The following TMEM229B variants were observed in gnomAD, a reference collection of about 807,000 sequenced individuals.
TMEM229B encodes chromosome 14 open reading frame 83.
In TMEM229B, 6 loss-of-function variants were observed where a neutral mutation model predicts 13.7. That is an observed-to-expected ratio of 0.44 (90% CI 0.24 to 0.86). TMEM229B has a LOEUF of 0.86. Ranked by LOEUF, TMEM229B falls within the 40% of genes least tolerant of loss-of-function variation. The pLI is 0.23. For missense variants in TMEM229B, 170 were observed against 236.0 expected (o/e 0.72, Z 1.83); for synonymous variants, 107 against 102.1 (o/e 1.05, Z -0.29).
chr14:67,526,857 T>A (rs74526135), intron 1 of TMEM229B, among the ~76,000 whole-genome samples: 204 of 152,150 alleles, frequency 1.3e-3, no homozygotes, highest in African/African-American at 4.7e-3. Flanking sequence ...ACTCACCCCC[T>A]TTTACAAAGA....
chr14:67,484,651 TG>T (rs1170991797), intron 2 of TMEM229B, among the ~76,000 whole-genome samples: 1 of 152,094 alleles, frequency 6.6e-6, no homozygotes, highest in Non-Finnish European at 1.5e-5. Context: ...AGGCCGGGCA[TG>T]GGGGCTCACA....
upstream of TMEM229B, among the ~76,000 whole-genome samples, chr14:67,489,858 T>C (rs951250362): frequency 3.9e-5 from 6 of 152,024 alleles, no homozygotes; most frequent in Non-Finnish European, 5.9e-5. Context: ...GGTGTGATGG[T>C]GGGCACCTGT....
chr14:67,517,093 C>T (rs932796534), upstream of TMEM229B, among the ~76,000 whole-genome samples: 1 of 152,186 alleles, frequency 6.6e-6, no homozygotes, highest in Non-Finnish European at 1.5e-5. Context: ...TACAGGCAGG[C>T]ATGTGGGCTG....
rs566128811 is a variant in TMEM229B at position 67,511,926 on chromosome 14, G to A, written c.-192+3160C>T. On this transcript the variant is annotated intron_variant, in intron 1 of 2. Transcript: ENST00000357461. ...CTTAGCCTCAGTTCTATCTGTGGAT[G>A]TGTGTGTCGGGGTGAAAACCACTGC... 1.1e-4 allele frequency among the ~76,000 whole-genome samples: 17 copies of A among 152,356 alleles called. No individual in the cohort carries two copies. The East Asian group carries it at 2.7e-3, about 24-fold the overall frequency.
intron 1 of TMEM229B, among the ~76,000 whole-genome samples, chr14:67,487,904 G>A (rs751187229): frequency 2.0e-5 from 3 of 152,118 alleles, no homozygotes; most frequent in South Asian, 2.1e-4. Context: ...GATTATAGGC[G>A]TGAGCCACTG....
intron 1 of TMEM229B, among the ~76,000 whole-genome samples, chr14:67,514,355 T>C (rs1380119370): frequency 2.0e-5 from 3 of 152,232 alleles, no homozygotes; most frequent in Non-Finnish European, 4.4e-5. Context: ...AATGTCTCCC[T>C]GCCCTTGCCA....
intron 1 of TMEM229B, among the ~76,000 whole-genome samples, chr14:67,530,970 C>A (rs991708538): frequency 9.2e-5 from 14 of 152,222 alleles, no homozygotes; most frequent in Non-Finnish European, 1.5e-4. Flanking sequence ...TTGGCTCAGA[C>A]CAGTTGACAA....
At position 67,505,943 on chromosome 14, in the gene TMEM229B, G is replaced by A. The variant is rs117797416; in HGVS notation, c.-192+9143C>T. 1.4e-3 allele frequency among the ~76,000 whole-genome samples: 215 copies of A among 152,156 alleles called. 1 individual carries two copies. Among genetic ancestry groups the A allele is most frequent in the Non-Finnish European group, 2.5e-3 (173 of 68,002 alleles). On this transcript the variant is annotated intron_variant, in intron 1 of 2. Coordinates refer to the TMEM229B transcript ENST00000357461. ...CTCGAACTCCTGACCTTGGGTATCC[G>A]TCCATCTCAGCCTCCCAAAGTGTTG...
rs1247763928 is a variant in TMEM229B, at chr14:67,473,192, T to C, written c.*228A>G. The C allele has an allele frequency of 8.5e-6, 5 of 589,506 alleles. No homozygotes were observed. The East Asian group carries it at 1.2e-4, about 14-fold the overall frequency. 36.5% of individuals were successfully genotyped at this position (589,506 alleles called of 1,614,324 possible). A position where few individuals can be genotyped will look rare whatever the true frequency, so the allele number is the denominator to read the frequency against. ...AACCCCTGAACTGGGCCGCGATCCA[T>C]GGACCCTTCCCAATGTCCCTCTGCT... On this transcript the variant is annotated 3_prime_UTR_variant, in exon 3 of 3. Transcript: ENST00000554480. The surrounding 1 kb of genome is among the most constrained non-coding windows in gnomAD (Gnocchi z 6.5).
At chr14:67,522,380 G>A (rs4902477) in intron 1 of TMEM229B, among the ~76,000 whole-genome samples, 62,240 of 151,920 alleles carry the variant, frequency 0.41, 13,673 homozygotes, top group Non-Finnish European at 0.49. Context: ...TCTCCTCTGT[G>A]CTTCCCTTTG....
At chr14:67,505,145 A>G (rs1464471712) in intron 1 of TMEM229B, among the ~76,000 whole-genome samples, 3 of 152,146 alleles carry the variant, frequency 2.0e-5, no homozygotes, top group Non-Finnish European at 4.4e-5. Context: ...CCAAAGAAGG[A>G]TGCGCATTTT....
intron 1 of TMEM229B, among the ~76,000 whole-genome samples, chr14:67,504,770 A>C (rs1422601920): frequency 3.3e-5 from 5 of 152,102 alleles, no homozygotes; most frequent in African/African-American, 1.2e-4. Context: ...CCATAATCCC[A>C]GCTACTCGGG....
chr14:67,533,484 T>A (rs1259693675), intron 1 of TMEM229B: 3 of 151,868 alleles, frequency 2.0e-5, no homozygotes, highest in Admixed American at 1.3e-4. Flanking sequence ...GGACGGCCCC[T>A]CGGGCCCAGA....
intron 1 of TMEM229B, among the ~76,000 whole-genome samples, chr14:67,524,385 C>A (rs1404253118): frequency 1.3e-5 from 2 of 152,082 alleles, no homozygotes; most frequent in African/African-American, 4.8e-5. Context: ...TCTAAGAATG[C>A]CAAAGGTCAG....
intron 1 of TMEM229B, among the ~76,000 whole-genome samples, chr14:67,510,815 G>C (rs1256958833): frequency 6.6e-6 from 1 of 152,132 alleles, no homozygotes; most frequent in Non-Finnish European, 1.5e-5. Flanking sequence ...TTGTCAGTGG[G>C]CTAAAAACAA....
At chr14:67,498,937 G>A (rs956976663) in intron 1 of TMEM229B, among the ~76,000 whole-genome samples, 2 of 152,050 alleles carry the variant, frequency 1.3e-5, no homozygotes, top group South Asian at 4.2e-4. Flanking sequence ...CCAAAATGCT[G>A]GGATTACAGG....
At chr14:67,511,153 CAAT>C (rs921259014) in intron 1 of TMEM229B, among the ~76,000 whole-genome samples, 28 of 152,142 alleles carry the variant, frequency 1.8e-4, no homozygotes, top group African/African-American at 6.8e-4. Flanking sequence ...TGAAAGGAAA[CAAT>C]GAATGAATGG....
At chr14:67,528,446 T>C (rs1029094412) in intron 1 of TMEM229B, among the ~76,000 whole-genome samples, 2 of 152,200 alleles carry the variant, frequency 1.3e-5, no homozygotes, top group African/African-American at 4.8e-5. Flanking sequence ...TTAAAGCTGG[T>C]CCCTGCCCAG....
chr14:67,506,834 C>G (rs2032845193), intron 1 of TMEM229B, among the ~76,000 whole-genome samples: 1 of 152,000 alleles, frequency 6.6e-6, no homozygotes, highest in Non-Finnish European at 1.5e-5. Context: ...AAATACAAAA[C>G]TTAGCTGGGG....
Sources: allele counts gnomAD v4.1 joint callset (sites outside exome capture counted in the v4.1 genomes callset), GRCh38; gene constraint gnomAD v4.1.1; non-coding constraint Gnocchi (gnomAD v3.1); transcripts MANE v1.5; gene names NCBI Gene and HGNC (gene_info 2026-07-23, HGNC 2026-07-21).